Variants in CTNNA1 observed in about 807,000 individuals in gnomAD.
The protein encoded by CTNNA1 is catenin alpha 1.
In CTNNA1, 37 loss-of-function variants were observed where a neutral mutation model predicts 98.4. That is an observed-to-expected ratio of 0.38 (90% CI 0.29 to 0.49). The LOEUF (loss-of-function observed/expected upper bound fraction) is 0.49. Among genes scored for constraint, CTNNA1 ranks in the 20% least tolerant of loss-of-function variants. CTNNA1 has a pLI of 0.95. For synonymous variants in CTNNA1, 404 were observed against 413.2 expected (o/e 0.98, Z 0.27); for missense variants, 761 against 1,147.2 (o/e 0.66, Z 4.86).
intron 13 of CTNNA1, 162 bp downstream of exon 13, chr5:138,925,569 T>C: frequency 8.8e-7 from 1 of 1,132,774 alleles, no homozygotes; most frequent in Non-Finnish European, 1.2e-6. Flanking sequence ...TTGTCTAAAA[T>C]GACTGTTAGT....
intron 11 of CTNNA1, among the ~76,000 whole-genome samples, chr5:138,919,650 G>A (rs1396252173): frequency 6.6e-6 from 1 of 152,198 alleles, no homozygotes; most frequent in Non-Finnish European, 1.5e-5. Context: ...ATGGAAAGGA[G>A]TTTAGACAGT....
chr5:138,809,838 C>T (rs942706006), intron 3 of CTNNA1, among the ~76,000 whole-genome samples, 200 bp from the exon 4 acceptor site: 2 of 151,878 alleles, frequency 1.3e-5, no homozygotes, highest in African/African-American at 4.8e-5. Flanking sequence ...TTTGCTTTCA[C>T]CAGCAATATA....
chr5:138,845,923 TTTTTTTG>T (rs986052395), intron 7 of CTNNA1, among the ~76,000 whole-genome samples: 5 of 20,906 alleles, frequency 2.4e-4, no homozygotes, highest in African/African-American at 4.6e-4. Flanking sequence ...GTTTTTTTTG[TTTTTTTG>T]TTTTTTGTTT....
At chr5:138,777,360 C>T (rs1282435899) in intron 1 of CTNNA1, among the ~76,000 whole-genome samples, 2 of 151,720 alleles carry the variant, frequency 1.3e-5, no homozygotes, top group Non-Finnish European at 2.9e-5. Flanking sequence ...CAGAGACGCT[C>T]CTCACTTTCC....
At chr5:138,919,704 AGGT>A (rs1762513060) in intron 11 of CTNNA1, among the ~76,000 whole-genome samples, 1 of 152,206 alleles carries the variant, frequency 6.6e-6, no homozygotes, top group African/African-American at 2.4e-5. Context: ...TTTCAGTCAA[AGGT>A]GGTGGTGTTT....
chr5:138,872,347 T>A (rs1280048239), intron 7 of CTNNA1: 2 of 152,594 alleles, frequency 1.3e-5, no homozygotes, highest in African/African-American at 4.8e-5. Flanking sequence ...GTCACTTGGA[T>A]TCATTGTGTA....
In CTNNA1 at chr5:138,783,702, G is replaced by T. The variant is rs181564816; in HGVS notation, c.301+330G>T. 5.9e-5 allele frequency among the ~76,000 whole-genome samples: 9 copies of T among 152,276 alleles called. 1 individual carries two copies. Among genetic ancestry groups the T allele is most frequent in the African/African-American group, 1.7e-4 (7 of 41,556 alleles). On this transcript the variant is annotated intron_variant, in intron 3 of 17. Transcript: ENST00000302763. ...GTAATAGTTAAGTCTTAGAAATGTT[G>T]TAACACAAATTGATAGGAAAGAAAT...
intron 3 of CTNNA1, among the ~76,000 whole-genome samples, chr5:138,809,547 G>A (rs1185315724): frequency 6.6e-6 from 1 of 152,154 alleles, no homozygotes; most frequent in African/African-American, 2.4e-5. Context: ...GCTGAGCTCT[G>A]TATTTTCACA....
intron 5 of CTNNA1, among the ~76,000 whole-genome samples, chr5:138,817,762 A>T (rs188642336): frequency 6.6e-6 from 1 of 151,906 alleles, no homozygotes; most frequent in Admixed American, 6.6e-5. Flanking sequence ...CTTTAGCTGC[A>T]TGATTTCTGT....
chr5:138,760,009 T>TA (rs1752146034), intron 1 of CTNNA1, among the ~76,000 whole-genome samples: 2 of 115,986 alleles, frequency 1.7e-5, no homozygotes, highest in Non-Finnish European at 3.5e-5. Flanking sequence ...TTTTTTTTTT[T>TA]ATGAGATGGA....
chr5:138,766,309 T>C (rs886169332), intron 1 of CTNNA1, among the ~76,000 whole-genome samples: 1 of 152,084 alleles, frequency 6.6e-6, no homozygotes, highest in Non-Finnish European at 1.5e-5. Context: ...GTCTTGTGTA[T>C]AGATCTGGAG....
intron 11 of CTNNA1, among the ~76,000 whole-genome samples, chr5:138,918,434 T>C (rs980964543): frequency 3.9e-5 from 6 of 152,210 alleles, no homozygotes; most frequent in Non-Finnish European, 7.3e-5. Flanking sequence ...ATCATAGTCA[T>C]AGTTTATCTG....
chr5:138,758,823 T>G (rs537008518), intron 1 of CTNNA1, among the ~76,000 whole-genome samples: 3 of 152,302 alleles, frequency 2.0e-5, no homozygotes, highest in Non-Finnish European at 4.4e-5. Flanking sequence ...TGTTTTTTTT[T>G]TGAGATGGAG....
At chr5:138,933,386 A>C (rs1765830514) in intron 17 of CTNNA1, among the ~76,000 whole-genome samples, 1 of 152,066 alleles carries the variant, frequency 6.6e-6, no homozygotes, top group Non-Finnish European at 1.5e-5. Context: ...AATTTCCTTT[A>C]AAAGAAACAC....
At chr5:138,850,121 C>T (rs1763060438) in intron 7 of CTNNA1, among the ~76,000 whole-genome samples, 1 of 151,924 alleles carries the variant, frequency 6.6e-6, no homozygotes, top group Non-Finnish European at 1.5e-5. Context: ...TGTTTTTTTC[C>T]TCTAAAACAA....
At chr5:138,905,827 C>T in intron 10 of CTNNA1, among the ~76,000 whole-genome samples, 1 of 152,200 alleles carries the variant, frequency 6.6e-6, no homozygotes, top group African/African-American at 2.4e-5. Context: ...GTTTCCTCTC[C>T]ACTTTCCCAT....
intron 1 of CTNNA1, among the ~76,000 whole-genome samples, chr5:138,773,962 CA>C (rs1753822459): frequency 6.6e-6 from 1 of 152,148 alleles, no homozygotes; most frequent in African/African-American, 2.4e-5. Flanking sequence ...CATCTCACTG[CA>C]ATCTCTGCCT....
intron 9 of CTNNA1, among the ~76,000 whole-genome samples, chr5:138,888,228 G>A (rs1754517479): frequency 6.6e-6 from 1 of 152,176 alleles, no homozygotes; most frequent in Admixed American, 6.5e-5. Context: ...TTAGTAGTTG[G>A]TTTGTAGGGT....
chr5:138,848,629 C>T (rs968795763), intron 7 of CTNNA1, among the ~76,000 whole-genome samples: 6 of 152,260 alleles, frequency 3.9e-5, no homozygotes, highest in Middle Eastern at 3.4e-3. Flanking sequence ...TTTTATTGCT[C>T]TCCATTTGTC....
Sources: gnomAD v4.1 joint callset for allele counts (sites outside exome capture counted in the v4.1 genomes callset) on GRCh38, gnomAD v4.1.1 for gene constraint, MANE v1.5 for transcripts, NCBI Gene and HGNC (gene_info 2026-07-23, HGNC 2026-07-21) for gene names.